Variants in LRP6 observed in about 807,000 individuals in gnomAD.
The protein encoded by LRP6 is low-density lipoprotein receptor-related protein 6.
In LRP6, 43 loss-of-function variants were observed where a neutral mutation model predicts 184.1. The observed-to-expected ratio is 0.23, with a 90% CI of 0.18 to 0.30. LRP6 has a LOEUF of 0.30. Ranked by LOEUF, LRP6 falls within the 10% of genes least tolerant of loss-of-function variation. LRP6 has a pLI of 1.00. For synonymous variants in LRP6, 719 were observed against 684.9 expected, an observed-to-expected ratio of 1.05 and a Z score of -0.78; for missense variants, 1,571 against 2,005.3, an observed-to-expected ratio of 0.78 and a Z score of 4.14.
At chr12:12,251,560 G>A (rs1460758265) in intron 1 of LRP6, among the ~76,000 whole-genome samples, 8 of 151,846 alleles carry the variant, frequency 5.3e-5, no homozygotes, top group Non-Finnish European at 7.4e-5. Context: ...AGTAGAGACA[G>A]GGTTTCACCA....
intron 7 of LRP6, among the ~76,000 whole-genome samples, chr12:12,166,549 A>T (rs1174164916): frequency 6.6e-6 from 1 of 152,144 alleles, no homozygotes; most frequent in Non-Finnish European, 1.5e-5. Flanking sequence ...CTTATTTTGC[A>T]TTATCTTACA....
At chr12:12,223,113 G>C (rs979534379) in intron 2 of LRP6, among the ~76,000 whole-genome samples, 1 of 138,168 alleles carries the variant, frequency 7.2e-6, no homozygotes, top group African/African-American at 2.7e-5. Flanking sequence ...CAATTATAAA[G>C]ATGTTCCAAG....
chr12:12,162,749 T>TA (rs530567200), intron 9 of LRP6, among the ~76,000 whole-genome samples: 43 of 152,326 alleles, frequency 2.8e-4, no homozygotes, highest in African/African-American at 1.0e-3. Context: ...CTACAGATCT[T>TA]AATTAGTGGT....
chr12:12,240,695 T>G (rs929322927), intron 2 of LRP6, among the ~76,000 whole-genome samples: 2 of 152,168 alleles, frequency 1.3e-5, no homozygotes, highest in Non-Finnish European at 2.9e-5. Flanking sequence ...AAAAAAAATC[T>G]AAAATGATTT....
At chr12:12,143,856 T>C (rs897022539) in intron 15 of LRP6, among the ~76,000 whole-genome samples, 1 of 152,356 alleles carries the variant, frequency 6.6e-6, no homozygotes, top group African/African-American at 2.4e-5. Flanking sequence ...TACATTTATG[T>C]GGTACAAGTT....
At chr12:12,147,636 G>C in intron 14 of LRP6, 80 bp from the exon 15 acceptor site, 1 of 1,129,998 alleles carries the variant, frequency 8.8e-7, no homozygotes. Flanking sequence ...AAGACAAATG[G>C]AGGTAGAGTA....
chr12:12,251,473 C>T (rs1339294842), intron 1 of LRP6, among the ~76,000 whole-genome samples: 2 of 152,082 alleles, frequency 1.3e-5, no homozygotes, highest in Non-Finnish European at 2.9e-5. Flanking sequence ...ATGCCATTCT[C>T]CTGCCTCAGC....
intron 2 of LRP6, among the ~76,000 whole-genome samples, chr12:12,216,465 G>T (rs1864347064): frequency 6.6e-6 from 1 of 151,994 alleles, no homozygotes; most frequent in Admixed American, 6.6e-5. Context: ...ACAAATCCAA[G>T]AGCTACTTAG....
intron 19 of LRP6, among the ~76,000 whole-genome samples, chr12:12,129,023 A>G (rs538822828): frequency 6.6e-4 from 101 of 152,350 alleles, no homozygotes; most frequent in Non-Finnish European, 1.1e-3. Flanking sequence ...AAATGGTGAG[A>G]ATGATTTAGT....
In LRP6 at chr12:12,120,081, A is replaced by G. The variant is rs1373310862; in HGVS notation, c.*1045T>C. ...CTGTGATATATGCTGAAAGTAGTGC[A>G]AGGATATGAGATTTACAACAAAAAC... On this transcript the variant is annotated 3_prime_UTR_variant, in exon 23 of 23. Coordinates refer to ENST00000261349, the MANE Select transcript of LRP6 (RefSeq NM_002336.3). The G allele has an allele frequency of 7.2e-6, 1 of 138,170 alleles. No individual in the cohort carries two copies. The highest frequency in any genetic ancestry group is 1.5e-5 in the Non-Finnish European group (1 of 64,882). The allele number at this position is 138,170 out of a possible 1,614,324, so 8.6% of individuals were successfully genotyped here. A position where few individuals can be genotyped will look rare whatever the true frequency, so the allele number is the denominator to read the frequency against.
At chr12:12,261,159 G>C (rs1865605621) in intron 1 of LRP6, among the ~76,000 whole-genome samples, 1 of 152,068 alleles carries the variant, frequency 6.6e-6, no homozygotes, top group African/African-American at 2.4e-5. Flanking sequence ...GGTGGCTCAC[G>C]CCTGTAATCC....
At chr12:12,175,548 G>A (rs1414952086) in intron 7 of LRP6, among the ~76,000 whole-genome samples, 5 of 151,714 alleles carry the variant, frequency 3.3e-5, no homozygotes, top group African/African-American at 1.2e-4. Context: ...TTAGCCAAGC[G>A]TGGTAGCAGA....
chr12:12,206,106 G>A (rs1864050046), intron 2 of LRP6, among the ~76,000 whole-genome samples: 1 of 152,150 alleles, frequency 6.6e-6, no homozygotes, highest in Admixed American at 6.5e-5. Flanking sequence ...TATAGCCCAG[G>A]TGTATAGCAG....
intron 13 of LRP6, among the ~76,000 whole-genome samples, chr12:12,150,250 A>C (rs1014607232): frequency 1.3e-5 from 2 of 152,120 alleles, no homozygotes; most frequent in Non-Finnish European, 2.9e-5. Flanking sequence ...TAATATCCTC[A>C]TTCCCATCCC....
At chr12:12,224,273 T>C (rs971222961) in intron 2 of LRP6, among the ~76,000 whole-genome samples, 6 of 152,232 alleles carry the variant, frequency 3.9e-5, no homozygotes, top group African/African-American at 1.4e-4. Flanking sequence ...GCTTTTTTCC[T>C]GTTTCTCATC....
In LRP6 at chr12:12,241,063, G is replaced by A. The variant is rs1020724948; in HGVS notation, c.449+3199C>T. 1.4e-4 allele frequency among the ~76,000 whole-genome samples: 21 copies of A among 152,150 alleles called. 1 individual carries two copies. On this transcript the variant is annotated intron_variant, in intron 2 of 22. Transcript: ENST00000261349. Reference sequence around the variant, plus strand: ...AATCTTCCTTCAGTCTAGGCTAAATGGACTGATTACACAAAGAACTCCATA... The same window carrying A: ...AATCTTCCTTCAGTCTAGGCTAAATAGACTGATTACACAAAGAACTCCATA...
intron 15 of LRP6, among the ~76,000 whole-genome samples, chr12:12,144,021 C>T (rs182081739): frequency 2.0e-5 from 3 of 152,130 alleles, no homozygotes; most frequent in East Asian, 1.9e-4. Flanking sequence ...AGATGTTAAC[C>T]GTAAAAAGAA....
chr12:12,135,482 T>TATTATTATTATG (rs1949825525), intron 16 of LRP6, among the ~76,000 whole-genome samples, 182 bp from the exon 17 acceptor site: 1 of 17,780 alleles, frequency 5.6e-5, no homozygotes, highest in Non-Finnish European at 1.1e-4. Context: ...CTTTTATCAT[T>TATTATTATTATG]ATTATTATTA....
chr12:12,151,150 G>T, intron 12 of LRP6, 112 bp from the exon 13 acceptor site: 2 of 1,001,690 alleles, frequency 2.0e-6, no homozygotes, highest in Non-Finnish European at 3.0e-6. Context: ...CATAGATGTT[G>T]AAGAGCTAAG....
Sources: allele counts gnomAD v4.1 joint callset (sites outside exome capture counted in the v4.1 genomes callset), GRCh38; gene constraint gnomAD v4.1.1; transcripts MANE v1.5; gene names NCBI Gene and HGNC (gene_info 2026-07-23, HGNC 2026-07-21).